SPRED1: variants seen among roughly 807,000 people sequenced by gnomAD.
The protein encoded by SPRED1 is sprouty related EVH1 domain containing 1.
A neutral mutation model predicts 52.3 loss-of-function variants in SPRED1; 18 were observed. The observed-to-expected ratio is 0.34, with a 90% confidence interval of 0.24 to 0.51. SPRED1 has a LOEUF of 0.51. Ranked by LOEUF, SPRED1 falls within the 20% of genes least tolerant of loss-of-function variation. The pLI, the probability that SPRED1 is intolerant of heterozygous loss-of-function variation, is 0.97. For missense variants in SPRED1, 485 were observed against 551.0 expected (o/e 0.88, Z 1.20); for synonymous variants, 155 against 179.7 (o/e 0.86, Z 1.10).
rs375154674 is a variant in SPRED1, at chr15:38,267,042, A to G, written c.32+13825A>G. Among the ~76,000 whole-genome samples, 4 of 152,342 alleles carry G rather than the reference A, an allele frequency of 2.6e-5. No individual in the cohort carries two copies. The South Asian group carries it at 8.3e-4, about 32-fold the overall frequency. On this transcript the variant is annotated intron_variant, in intron 1 of 6. Coordinates refer to ENST00000299084, the MANE Select transcript of SPRED1 (RefSeq NM_152594.3). The stretch of plus-strand genomic sequence containing the variant: ...ATAAGGAAAAAAATGAAAGTAAGCT[A>G]AAATCCTTTAGGAAAACAATGAGCA...
intron 1 of SPRED1, among the ~76,000 whole-genome samples, chr15:38,276,400 CTA>C (rs1894554753): frequency 6.6e-6 from 1 of 151,994 alleles, no homozygotes; most frequent in African/African-American, 2.4e-5. Flanking sequence ...TTTTAGTGCA[CTA>C]TCATTTCATA....
intron 5 of SPRED1, 79 bp from the exon 6 acceptor site, chr15:38,349,343 G>T (rs1026869903): frequency 8.3e-6 from 9 of 1,082,342 alleles, no homozygotes; most frequent in Middle Eastern, 2.0e-4. Context: ...TAAATTATGA[G>T]GTTTTGGAAC....
chr15:38,339,831 T>G lies in SPRED1; in HGVS notation c.518T>G (p.Ile173Arg), dbSNP rs1380750428. The change falls in exon 5 of 7, where the codon ATA becomes AGA. Residue 173 changes from isoleucine (I) to arginine (R), a missense_variant. Ile to Arg is a moderately conservative substitution (Grantham distance 97). Around this residue, in one of 5 missense-constraint regions of SPRED1, gnomAD observed 232 missense variants for 231.8 expected, o/e 1.00. Transcript: ENST00000299084. ...AGTGAGCCTTATAGAAGCTCAAATA[T>G]AAGACCTTCTCCCTTTGAAGATCTG... ...VTSEPYRSSN[I>R]RPSPFEDLNA... The G allele has an allele frequency of 6.2e-7, 1 of 1,613,854 alleles. No homozygotes were observed. Among genetic ancestry groups the G allele is most frequent in the African/African-American group, 1.3e-5 (1 of 74,922 alleles).
intron 5 of SPRED1, among the ~76,000 whole-genome samples, chr15:38,341,193 A>T (rs4924235): frequency 0.82 from 125,089 of 151,860 alleles, 52,318 homozygotes; most frequent in Non-Finnish European, 0.9. Context: ...ACTGAAAATA[A>T]GTGCCTTCTC....
At chr15:38,278,805 A>T (rs965044393) in intron 1 of SPRED1, among the ~76,000 whole-genome samples, 1 of 147,034 alleles carries the variant, frequency 6.8e-6, no homozygotes, top group African/African-American at 2.5e-5. Context: ...GTACAAACAC[A>T]ACCATTATAA....
At chr15:38,300,503 G>GT (rs1895130093) in intron 2 of SPRED1, among the ~76,000 whole-genome samples, 1 of 152,092 alleles carries the variant, frequency 6.6e-6, no homozygotes, top group Admixed American at 6.6e-5. Flanking sequence ...CTTACTTTCA[G>GT]TTTGGGGGCT....
intron 1 of SPRED1, among the ~76,000 whole-genome samples, chr15:38,253,700 C>T (rs1468405305): frequency 6.6e-6 from 1 of 151,062 alleles, no homozygotes; most frequent in African/African-American, 2.4e-5. Flanking sequence ...TAAGCCTTCA[C>T]CCTCTCCCCC....
At chr15:38,268,991 A>AGT (rs1894370819) in intron 1 of SPRED1, among the ~76,000 whole-genome samples, 1 of 145,174 alleles carries the variant, frequency 6.9e-6, no homozygotes, top group African/African-American at 2.6e-5. Flanking sequence ...CCTAGGCTGG[A>AGT]GTGCAGTGGC....
intron 2 of SPRED1, among the ~76,000 whole-genome samples, chr15:38,305,041 T>C (rs984658054): frequency 1.3e-5 from 2 of 152,104 alleles, no homozygotes; most frequent in African/African-American, 4.8e-5. Flanking sequence ...CAGTACTCTT[T>C]TCTTAGGCCA....
intron 3 of SPRED1, among the ~76,000 whole-genome samples, chr15:38,324,268 T>C (rs1182047241): frequency 6.6e-6 from 1 of 152,162 alleles, no homozygotes; most frequent in Non-Finnish European, 1.5e-5. Context: ...GAGACGTTGA[T>C]GCAAAAAAGT....
chr15:38,286,542 C>CT lies in SPRED1; in HGVS notation c.33-12820dup, dbSNP rs34939270. 3.7e-3 allele frequency among the ~76,000 whole-genome samples: 548 copies of CT among 147,730 alleles called. 5 individuals carry two copies. Among genetic ancestry groups the CT allele is most frequent in the African/African-American group, 4.3e-3 (174 of 40,542 alleles). ...CATCTCCTCTAATCATTACTTATGG[C>CT]TTTTTTTTTTTAAGTCTGTGGTAAT... On this transcript the variant is annotated intron_variant, in intron 1 of 6. Transcript: ENST00000299084.
At chr15:38,258,864 C>T (rs1235759045) in intron 1 of SPRED1, among the ~76,000 whole-genome samples, 1 of 152,084 alleles carries the variant, frequency 6.6e-6, no homozygotes, top group African/African-American at 2.4e-5. Context: ...ATGGTATAGT[C>T]TAAAGAACAC....
intron 4 of SPRED1, among the ~76,000 whole-genome samples, chr15:38,333,505 T>C (rs1264309362): frequency 6.6e-6 from 1 of 152,178 alleles, no homozygotes; most frequent in Non-Finnish European, 1.5e-5. Context: ...CTTTTGTTCA[T>C]TCTTGGAGTT....
At chr15:38,259,837 TCAGAATC>T (rs1259680195) in intron 1 of SPRED1, among the ~76,000 whole-genome samples, 3 of 152,216 alleles carry the variant, frequency 2.0e-5, no homozygotes, top group African/African-American at 7.2e-5. Flanking sequence ...TAGCTGCATC[TCAGAATC>T]CAGAACCAAA....
chr15:38,269,177 T>G (rs889081627), intron 1 of SPRED1, among the ~76,000 whole-genome samples: 3 of 152,078 alleles, frequency 2.0e-5, no homozygotes, highest in Middle Eastern at 3.2e-3. Flanking sequence ...CTCCTAACCT[T>G]GTGATCTGCC....
chr15:38,348,672 A>G (rs945236597), intron 5 of SPRED1, among the ~76,000 whole-genome samples: 1 of 152,140 alleles, frequency 6.6e-6, no homozygotes, highest in Non-Finnish European at 1.5e-5. Context: ...AAAAATAAGA[A>G]GTAAACAAGA....
chr15:38,329,033 T>C (rs182437774), intron 4 of SPRED1, among the ~76,000 whole-genome samples: 9 of 152,266 alleles, frequency 5.9e-5, no homozygotes, highest in Admixed American at 5.2e-4. Context: ...TTTTTCTTGT[T>C]GTTGTTGTTT....
chr15:38,318,950 C>CA (rs1221257986), intron 2 of SPRED1, among the ~76,000 whole-genome samples: 2 of 152,048 alleles, frequency 1.3e-5, no homozygotes, highest in Non-Finnish European at 2.9e-5. Flanking sequence ...AGGCTCTAAA[C>CA]AATAGATGCC....
At chr15:38,300,728 G>A (rs978768549) in intron 2 of SPRED1, among the ~76,000 whole-genome samples, 4 of 152,068 alleles carry the variant, frequency 2.6e-5, no homozygotes, top group Admixed American at 6.6e-5. Flanking sequence ...AGAGAACCCC[G>A]ATTGAAGTCA....
Sources: gnomAD v4.1 joint callset for allele counts (sites outside exome capture counted in the v4.1 genomes callset) on GRCh38, gnomAD v4.1.1 for gene constraint, gnomAD v4.1.1 regional missense constraint, MANE v1.5 for transcripts, NCBI Gene and HGNC (gene_info 2026-07-23, HGNC 2026-07-21) for gene names.